ASIP: variants seen among roughly 807,000 people sequenced by gnomAD.
The protein encoded by ASIP is agouti-signaling protein.
A neutral mutation model predicts 10.3 loss-of-function variants in ASIP; 11 were observed. That is an observed-to-expected ratio of 1.07 (90% confidence interval 0.68 to 1.78). The LOEUF is 1.78. Among genes scored for constraint, ASIP ranks in the 40% most tolerant of loss-of-function variants. The probability of loss-of-function intolerance (pLI) is 0.00; values close to 1 mark genes in which losing one functional copy is unlikely to be tolerated. For synonymous variants in ASIP, 70 were observed against 70.8 expected (o/e 0.99, Z 0.06); for missense variants, 180 against 169.2 (o/e 1.06, Z -0.35).
At chr20:34,268,457 C>G (rs2035826487) in intron 3 of ASIP, among the ~76,000 whole-genome samples, 1 of 152,116 alleles carries the variant, frequency 6.6e-6, no homozygotes, top group Non-Finnish European at 1.5e-5. Flanking sequence ...GTGGCTCACG[C>G]CTGTAATGTA....
intron 1 of ASIP, among the ~76,000 whole-genome samples, chr20:34,200,982 TTCCTTC>T: frequency 2.0e-5 from 1 of 48,966 alleles, no homozygotes; most frequent in Non-Finnish European, 3.3e-5. Flanking sequence ...CCTTCCTTCC[TTCCTTC>T]CTTCCTTCCT....
At chr20:34,220,953 CTTT>C (rs10661983) in intron 1 of ASIP, among the ~76,000 whole-genome samples, 4 of 109,764 alleles carry the variant, frequency 3.6e-5, no homozygotes, top group East Asian at 4.8e-4. Flanking sequence ...TTCTTTCCTT[CTTT>C]TTTTTTTTTT....
At chr20:34,213,462 G>C in intron 1 of ASIP, 1 of 1,205,940 alleles carries the variant, frequency 8.3e-7, no homozygotes, top group Non-Finnish European at 1.2e-6. Context: ...TAGAGACTGA[G>C]ACAGTTTTGA....
At chr20:34,192,647 G>A (rs1238983160), upstream of ASIP, among the ~76,000 whole-genome samples, 1 of 151,888 alleles carries the variant, frequency 6.6e-6, no homozygotes, top group East Asian at 1.9e-4. Flanking sequence ...AACAGAAATG[G>A]CAGACACTAC....
chr20:34,249,094 ACT>A (rs2035429883), intron 1 of ASIP, among the ~76,000 whole-genome samples: 1 of 150,056 alleles, frequency 6.7e-6, no homozygotes, highest in Admixed American at 6.6e-5. Context: ...GCACCACTGC[ACT>A]CCAGCCTGGG....
At chr20:34,264,789 A>ATTTTTTTT (rs34382186) in intron 3 of ASIP, among the ~76,000 whole-genome samples, 1 of 104,220 alleles carries the variant, frequency 9.6e-6, no homozygotes, top group Non-Finnish European at 1.8e-5. Flanking sequence ...AGTTTACTTC[A>ATTTTTTTT]TTTTTTTTTT....
intron 1 of ASIP, among the ~76,000 whole-genome samples, chr20:34,242,853 A>G (rs996600088): frequency 9.2e-5 from 14 of 152,268 alleles, no homozygotes; most frequent in African/African-American, 2.9e-4. Context: ...GTGCTTGTGC[A>G]GAATGCACCC....
intron 3 of ASIP, among the ~76,000 whole-genome samples, chr20:34,266,913 CCTGT>C (rs1280588504): frequency 6.6e-6 from 1 of 152,156 alleles, no homozygotes; most frequent in African/African-American, 2.4e-5. Flanking sequence ...ACACCTTATT[CCTGT>C]CTTAGTGTGC....
intron 1 of ASIP, among the ~76,000 whole-genome samples, chr20:34,225,887 A>G (rs1037362738): frequency 2.7e-5 from 4 of 148,476 alleles, no homozygotes; most frequent in African/African-American, 9.9e-5. Context: ...CTAGATGTGC[A>G]CCTACTTTTT....
At chr20:34,235,079 G>A (rs1308570641) in intron 1 of ASIP, 1 of 152,206 alleles carries the variant, frequency 6.6e-6, no homozygotes, top group African/African-American at 2.4e-5. Flanking sequence ...TTGCTCACCA[G>A]TCAGGCATAT....
At chr20:34,189,399 C>T in the ASIP span, among the ~76,000 whole-genome samples, 3 of 152,036 alleles carry the variant, frequency 2.0e-5, no homozygotes, top group Admixed American at 1.3e-4. Context: ...TGCACCACCA[C>T]GCCCGGCTAA....
chr20:34,267,960 T>C (rs577899921), intron 3 of ASIP, among the ~76,000 whole-genome samples: 2 of 152,354 alleles, frequency 1.3e-5, no homozygotes, highest in Admixed American at 6.5e-5. Flanking sequence ...ATTTTTGTTG[T>C]GCTAAATCTT....
rs539917878 is a variant in ASIP, at chr20:34,265,672, G to A, written c.222+2779G>A. ...ACTATAAAAATAAGTAAAGTTGGCC[G>A]GGCACAGTGGCTCACACCTGTAATC... On this transcript the variant is annotated intron_variant, in intron 3 of 3. Coordinates refer to ENST00000374954, the MANE Select transcript of ASIP (RefSeq NM_001672.3). 2.4e-3 allele frequency among the ~76,000 whole-genome samples: 355 copies of A among 150,144 alleles called. 5 individuals are homozygous for A. The highest frequency in any genetic ancestry group is 7.1e-4 in the Non-Finnish European group (48 of 67,308).
chr20:34,263,691 G>C (rs1454298662), intron 3 of ASIP, among the ~76,000 whole-genome samples: 2 of 149,356 alleles, frequency 1.3e-5, no homozygotes, highest in East Asian at 3.9e-4. Flanking sequence ...TTTTGAGATG[G>C]AGTTTTCGCT....
At chr20:34,236,506 T>C (rs1210833074), upstream of ASIP, among the ~76,000 whole-genome samples, 2 of 151,464 alleles carry the variant, frequency 1.3e-5, no homozygotes, top group Non-Finnish European at 1.5e-5. Flanking sequence ...ATTGCACCAC[T>C]GCACTCCAGC....
chr20:34,265,020 T>C (rs2035760508), intron 3 of ASIP, among the ~76,000 whole-genome samples: 1 of 152,028 alleles, frequency 6.6e-6, no homozygotes, highest in Admixed American at 6.6e-5. Context: ...GGTCTCAAAC[T>C]CCTGAGTTCA....
chr20:34,216,008 G>A, intron 1 of ASIP: 2 of 701,044 alleles, frequency 2.9e-6, no homozygotes, highest in Non-Finnish European at 5.2e-6. Flanking sequence ...TGAACTCCAT[G>A]GTCAGCCAGC....
rs758913102 is a variant in ASIP, at chr20:34,269,008, G to C, written c.240G>C (p.Lys80Asn). ...KRSSKKEASMKKVVRPRTPLS... is the reference protein window; with the variant it reads ...KRSSKKEASMNKVVRPRTPLS... ...CCACGCAGAAGGAGGCTTCGATGAA[G>C]AAAGTGGTGCGGCCCCGGACCCCCC... The change falls in exon 4 of 4, where the codon AAG becomes AAC. Residue 80 changes from lysine to asparagine, a missense_variant. Physicochemically the swap from Lys to Asn is moderately conservative, Grantham distance 94. Coordinates refer to ENST00000374954, the MANE Select transcript of ASIP (RefSeq NM_001672.3). 6.2e-7 allele frequency: 1 copy of C among 1,607,732 alleles called. No homozygotes were observed. The highest frequency in any genetic ancestry group is 1.7e-5 in the Admixed American group (1 of 59,594).
intron 1 of ASIP, among the ~76,000 whole-genome samples, chr20:34,197,784 G>T (rs983314741): frequency 4.6e-5 from 7 of 152,182 alleles, no homozygotes; most frequent in African/African-American, 1.7e-4. Flanking sequence ...ACAACTGGCT[G>T]TAGTGCACCA....
Sources: gnomAD v4.1 joint callset for allele counts (sites outside exome capture counted in the v4.1 genomes callset) on GRCh38, gnomAD v4.1.1 for gene constraint, MANE v1.5 for transcripts, NCBI Gene and HGNC (gene_info 2026-07-23, HGNC 2026-07-21) for gene names.